Variants in TIAM2 observed in about 807,000 individuals in gnomAD.
The protein encoded by TIAM2 is TIAM Rac1 associated GEF 2.
A neutral mutation model predicts 152.9 loss-of-function variants in TIAM2; 80 were observed. The ratio of observed to expected loss-of-function variants is 0.52; its 90% CI spans 0.44 to 0.63. TIAM2 has a LOEUF of 0.63. Among genes scored for constraint, TIAM2 ranks in the 30% least tolerant of loss-of-function variants. The pLI, the probability that TIAM2 is intolerant of heterozygous loss-of-function variation, is 0.00. For synonymous variants in TIAM2, 804 were observed against 838.0 expected (o/e 0.96, Z 0.70); for missense variants, 1,965 against 2,120.1 (o/e 0.93, Z 1.44).
chr6:155,132,803 T>G (rs60252935), intron 4 of TIAM2, among the ~76,000 whole-genome samples: 94 of 152,364 alleles, frequency 6.2e-4, no homozygotes, highest in African/African-American at 2.2e-3. Context: ...TTATGTGCAC[T>G]GAGTTTGTTG....
intron 1 of TIAM2, among the ~76,000 whole-genome samples, chr6:155,059,617 C>G (rs1045156557): frequency 5.3e-5 from 8 of 152,052 alleles, no homozygotes; most frequent in African/African-American, 1.9e-4. Context: ...CACCCAGCCT[C>G]TATTTGTGTT....
chr6:155,211,053 G>C, intron 14 of TIAM2, 151 bp from the exon 15 acceptor site: 1 of 526,434 alleles, frequency 1.9e-6, no homozygotes, highest in South Asian at 2.5e-5. Flanking sequence ...ATCTGTATGC[G>C]TAATTGTAAC....
chr6:155,150,959 A>T (rs1278018367), intron 7 of TIAM2, among the ~76,000 whole-genome samples: 1 of 152,158 alleles, frequency 6.6e-6, no homozygotes, highest in African/African-American at 2.4e-5. Context: ...CTTAACAGAT[A>T]TTGGTATTTT....
At chr6:155,176,597 G>A (rs1465448972) in intron 9 of TIAM2, among the ~76,000 whole-genome samples, 1 of 152,310 alleles carries the variant, frequency 6.6e-6, no homozygotes, top group East Asian at 1.9e-4. Flanking sequence ...CACAGGACAG[G>A]CAGTCACTAA....
intron 14 of TIAM2, among the ~76,000 whole-genome samples, chr6:155,205,831 C>A (rs1456747327): frequency 6.6e-6 from 1 of 152,064 alleles, no homozygotes; most frequent in Non-Finnish European, 1.5e-5. Flanking sequence ...TTCTGGGCAA[C>A]AGGAAAAAGA....
chr6:155,211,719 G>A (rs1208015973), intron 15 of TIAM2, among the ~76,000 whole-genome samples: 6 of 151,360 alleles, frequency 4.0e-5, no homozygotes, highest in Non-Finnish European at 8.8e-5. Context: ...GTGATAAAAC[G>A]TATATAACAT....
intron 1 of TIAM2, among the ~76,000 whole-genome samples, chr6:155,030,403 C>T (rs1216027041): frequency 6.6e-6 from 1 of 152,118 alleles, no homozygotes; most frequent in Non-Finnish European, 1.5e-5. Flanking sequence ...GATAGCTGCT[C>T]ACATTTTGTT....
intron 14 of TIAM2, among the ~76,000 whole-genome samples, chr6:155,203,499 A>C (rs1006794782): frequency 6.6e-6 from 1 of 152,224 alleles, no homozygotes; most frequent in Non-Finnish European, 1.5e-5. Flanking sequence ...TCTGGATGTC[A>C]GTAGATAGTA....
chr6:155,157,412 A>G (rs1226887938), intron 7 of TIAM2, among the ~76,000 whole-genome samples: 2 of 152,024 alleles, frequency 1.3e-5, no homozygotes, highest in Admixed American at 6.6e-5. Context: ...GGATGAGTAA[A>G]TAGACCCTTA....
intron 4 of TIAM2, among the ~76,000 whole-genome samples, chr6:155,136,732 A>C (rs1283555073): frequency 1.3e-5 from 2 of 152,136 alleles, no homozygotes; most frequent in Non-Finnish European, 2.9e-5. Flanking sequence ...TCCCCACCCT[A>C]CCCTGGTATA....
intron 2 of TIAM2, among the ~76,000 whole-genome samples, chr6:155,104,469 G>A (rs1461519855): frequency 4.6e-5 from 7 of 152,074 alleles, no homozygotes; most frequent in Non-Finnish European, 2.9e-5. Context: ...ATTAAGATTA[G>A]AAAGCATGGC....
chr6:155,174,375 C>CTT lies in TIAM2; in HGVS notation c.2362-2429_2362-2428dup, dbSNP rs982975061. Among the ~76,000 whole-genome samples the CTT allele has an allele frequency of 6.9e-6, 1 of 144,500 alleles. No individual in the cohort carries two copies. The allele number at this position is 144,500 out of a possible 152,430, so 94.8% of individuals were successfully genotyped here. A position where few individuals can be genotyped will look rare whatever the true frequency, so the allele number is the denominator to read the frequency against. On this transcript the variant is annotated intron_variant, in intron 9 of 26. Transcript: ENST00000682666. This position sits in a 1 kb window ranked among gnomAD's most constrained non-coding sequence, Gnocchi z 4.2. ...TTCATTTGGTCTCACGAGATGCAGT[C>CTT]TTTTTTTTTTTTTGAGATGGAGCCT...
chr6:155,142,982 C>G (rs1779744888), intron 5 of TIAM2, among the ~76,000 whole-genome samples: 1 of 152,156 alleles, frequency 6.6e-6, no homozygotes. Context: ...AAATAGTTTT[C>G]AAAACGTCTG....
intron 1 of TIAM2, among the ~76,000 whole-genome samples, chr6:155,041,246 T>C (rs941721826): frequency 2.2e-4 from 34 of 152,192 alleles, no homozygotes; most frequent in African/African-American, 8.0e-4. Flanking sequence ...TTATAGAAAA[T>C]GATTGAAAGA....
chr6:155,161,296 C>G (rs1321193614), intron 7 of TIAM2, among the ~76,000 whole-genome samples: 2 of 152,102 alleles, frequency 1.3e-5, no homozygotes, highest in African/African-American at 4.8e-5. Flanking sequence ...AAGTGATCCT[C>G]CCAACTCAGC....
chr6:155,068,073 C>T (rs1777744253), intron 1 of TIAM2, among the ~76,000 whole-genome samples: 1 of 152,296 alleles, frequency 6.6e-6, no homozygotes, highest in Admixed American at 6.5e-5. Context: ...AGTGTAACAT[C>T]TTAGTATAGA....
chr6:155,238,929 A>G (rs1159133496), intron 15 of TIAM2, among the ~76,000 whole-genome samples: 1 of 152,202 alleles, frequency 6.6e-6, no homozygotes, highest in Non-Finnish European at 1.5e-5. Context: ...TGTGGATTGT[A>G]TATTTCCATC....
chr6:155,090,972 C>T (rs987286116), intron 2 of TIAM2, among the ~76,000 whole-genome samples: 4 of 152,122 alleles, frequency 2.6e-5, no homozygotes, highest in African/African-American at 9.7e-5. Context: ...AGTTCCCCAG[C>T]GGCGTTTGAA....
chr6:155,168,385 T>C (rs1041504054), intron 9 of TIAM2, among the ~76,000 whole-genome samples: 6 of 152,014 alleles, frequency 3.9e-5, no homozygotes, highest in South Asian at 2.1e-4. Context: ...TTTGATACAG[T>C]CTCGTGCTGT....
Sources: allele counts gnomAD v4.1 joint callset (sites outside exome capture counted in the v4.1 genomes callset), GRCh38; gene constraint gnomAD v4.1.1; non-coding constraint Gnocchi (gnomAD v3.1); transcripts MANE v1.5; gene names NCBI Gene and HGNC (gene_info 2026-07-23, HGNC 2026-07-21).